Variants in CCDC195 observed in about 807,000 individuals in gnomAD.
CCDC195 encodes the protein coiled-coil domain containing 195.
At chr2:224,709,937 G>T in intron 2 of CCDC195, 36 bp downstream of exon 2, 1 of 398,496 alleles carries the variant, frequency 2.5e-6, no homozygotes, top group Non-Finnish European at 4.4e-6. Context: ...TCTCAGTATG[G>T]GCCTATTCAC....
At chr2:224,704,605 C>CTTTTTTTTTTT (rs1697215710) in intron 2 of CCDC195, among the ~76,000 whole-genome samples, 1 of 109,702 alleles carries the variant, frequency 9.1e-6, no homozygotes, top group African/African-American at 3.5e-5. Flanking sequence ...TTTTTCTTTT[C>CTTTTTTTTTTT]TTTTCTTTTT....
chr2:224,710,324 T>C, intron 1 of CCDC195, 105 bp from the exon 2 acceptor site: 1 of 397,142 alleles, frequency 2.5e-6, no homozygotes, highest in African/African-American at 2.1e-5. Context: ...AGAACTATTG[T>C]TTCTCATTAC....
At chr2:224,706,650 A>G (rs1045936376) in intron 2 of CCDC195, among the ~76,000 whole-genome samples, 16 of 150,158 alleles carry the variant, frequency 1.1e-4, no homozygotes, top group African/African-American at 3.9e-4. Flanking sequence ...AGCTGAGAAT[A>G]CAGGTGCCCA....
At chr2:224,716,024 C>G (rs953487846) in intron 1 of CCDC195, 107 bp downstream of exon 1, 3 of 397,158 alleles carry the variant, frequency 7.6e-6, no homozygotes, top group African/African-American at 6.2e-5. Context: ...AAACCCACCA[C>G]CGTTATTACC....
chr2:224,711,140 T>A (rs116705183), intron 1 of CCDC195, among the ~76,000 whole-genome samples: 2,188 of 152,302 alleles, frequency 0.014, 51 homozygotes, highest in African/African-American at 0.048. Context: ...TTGCATGTCT[T>A]GGCCTTAGTT....
intron 2 of CCDC195, among the ~76,000 whole-genome samples, chr2:224,706,163 T>C (rs1015548009): frequency 1.3e-5 from 2 of 150,508 alleles, no homozygotes; most frequent in African/African-American, 4.9e-5. Flanking sequence ...CATTTTTACT[T>C]TGTATATTGC....
At chr2:224,714,901 A>G (rs965323383) in intron 1 of CCDC195, among the ~76,000 whole-genome samples, 5 of 152,176 alleles carry the variant, frequency 3.3e-5, no homozygotes, top group African/African-American at 1.2e-4. Flanking sequence ...GACCTGTTCC[A>G]TTGTCAACCT....
At chr2:224,711,192 C>A (rs568758965) in intron 1 of CCDC195, among the ~76,000 whole-genome samples, 1 of 152,048 alleles carries the variant, frequency 6.6e-6, no homozygotes, top group African/African-American at 2.4e-5. Context: ...GAGAGACAAA[C>A]GCAAAGGAGA....
intron 2 of CCDC195, among the ~76,000 whole-genome samples, chr2:224,708,467 T>C (rs1234226377): frequency 6.6e-6 from 1 of 152,224 alleles, no homozygotes; most frequent in African/African-American, 2.4e-5. Flanking sequence ...TCTGTTTCGT[T>C]CTACCTGGGA....
chr2:224,706,208 T>TTC, intron 2 of CCDC195, among the ~76,000 whole-genome samples: 1 of 102,442 alleles, frequency 9.8e-6, no homozygotes, highest in African/African-American at 3.9e-5. Flanking sequence ...TTTTTTTTTT[T>TTC]TTTTTTTTTT....
At chr2:224,710,633 C>G (rs764217072) in intron 1 of CCDC195, among the ~76,000 whole-genome samples, 1 of 152,112 alleles carries the variant, frequency 6.6e-6, no homozygotes, top group Admixed American at 6.5e-5. Flanking sequence ...AGGGAAACTT[C>G]GTCTCAAACA....
rs539454611 is a variant in CCDC195, at chr2:224,712,961, C to T, written c.236-2742G>A. The stretch of plus-strand genomic sequence containing the variant: ...TCAGCTCACTGCAACTTCCGCCTCC[C>T]GGGTTCAAGCGGTTCTCCTGCCTCA... On this transcript the variant is annotated intron_variant, in intron 1 of 2. Coordinates refer to ENST00000638102, the Ensembl canonical transcript of CCDC195. 2.6e-4 allele frequency among the ~76,000 whole-genome samples: 40 copies of T among 152,102 alleles called. No homozygotes were observed. The South Asian group carries it at 3.7e-3, about 14-fold the overall frequency.
chr2:224,713,790 A>AT (rs1689349386), intron 1 of CCDC195, among the ~76,000 whole-genome samples: 1 of 138,928 alleles, frequency 7.2e-6, no homozygotes, highest in Non-Finnish European at 1.5e-5. Flanking sequence ...TTTATCAAAT[A>AT]TTTTTCACCA....
At chr2:224,709,123 C>T (rs1316225440) in intron 2 of CCDC195, among the ~76,000 whole-genome samples, 2 of 118,318 alleles carry the variant, frequency 1.7e-5, no homozygotes, top group Non-Finnish European at 3.2e-5. Context: ...GAGTCTCACT[C>T]TGTCCCCCAG....
chr2:224,710,410 A>G (rs1474215337), intron 1 of CCDC195, among the ~76,000 whole-genome samples, 191 bp from the exon 2 acceptor site: 1 of 152,230 alleles, frequency 6.6e-6, no homozygotes, highest in Non-Finnish European at 1.5e-5. Context: ...TGGGAGGCCA[A>G]GGTGGGTGGA....
At chr2:224,716,221 C>T (rs1046692277) in exon 1 of CCDC195, 13 of 398,584 alleles carry the variant, frequency 3.3e-5, no homozygotes, top group Non-Finnish European at 4.4e-5. Flanking sequence ...TCCTCCCTTT[C>T]GTCTCCTGAT....
intron 2 of CCDC195, among the ~76,000 whole-genome samples, chr2:224,708,555 C>A (rs768229305): frequency 5.3e-5 from 8 of 152,170 alleles, no homozygotes; most frequent in Non-Finnish European, 8.8e-5. Flanking sequence ...TATGATAGAA[C>A]CTTCTGCAAG....
chr2:224,715,110 G>A (rs1048339139), intron 1 of CCDC195, among the ~76,000 whole-genome samples: 2 of 152,044 alleles, frequency 1.3e-5, no homozygotes, highest in Admixed American at 6.6e-5. Flanking sequence ...TGTATTTTTA[G>A]TAGAGACAGG....
chr2:224,707,953 TACC>T (rs1689240862), intron 2 of CCDC195, among the ~76,000 whole-genome samples: 1 of 142,252 alleles, frequency 7.0e-6, no homozygotes, highest in African/African-American at 2.7e-5. Context: ...TTCTTCTCTT[TACC>T]TCCCTCCCTC....
Sources: allele counts gnomAD v4.1 joint callset (sites outside exome capture counted in the v4.1 genomes callset), GRCh38; gene constraint gnomAD v4.1.1; transcripts MANE v1.5; gene names NCBI Gene and HGNC (gene_info 2026-07-23, HGNC 2026-07-21).